Variants in GASK1B observed in about 807,000 individuals in gnomAD.
The protein encoded by GASK1B is Golgi-associated kinase 1B.
In GASK1B, 34 loss-of-function variants were observed where a neutral mutation model predicts 42.8. That is an observed-to-expected ratio of 0.79 (90% CI 0.60 to 1.06). GASK1B has a LOEUF of 1.06. Ranked by LOEUF, GASK1B falls within the 50% of genes least tolerant of loss-of-function variation. The pLI, the probability that GASK1B is intolerant of heterozygous loss-of-function variation, is 0.00. For synonymous variants in GASK1B, 262 were observed against 259.1 expected (o/e 1.01, Z -0.11); for missense variants, 686 against 661.0 (o/e 1.04, Z -0.42).
At chr4:158,155,508 A>T (rs1464265208) in intron 3 of GASK1B, 103 bp downstream of exon 3, 4 of 1,011,246 alleles carry the variant, frequency 4.0e-6, no homozygotes, top group Non-Finnish European at 5.8e-6. Flanking sequence ...AGAAGTTATC[A>T]CCAGCTTCAT....
At chr4:158,160,430 G>T (rs1182943601) in intron 2 of GASK1B, among the ~76,000 whole-genome samples, 3 of 152,064 alleles carry the variant, frequency 2.0e-5, no homozygotes, top group Admixed American at 2.0e-4. Flanking sequence ...GAAGGGCTAT[G>T]ATCAAAAAGA....
At chr4:158,147,803 A>C (rs191963627) in intron 3 of GASK1B, among the ~76,000 whole-genome samples, 10 of 152,292 alleles carry the variant, frequency 6.6e-5, no homozygotes, top group Middle Eastern at 3.4e-3. Context: ...GACAAACGTT[A>C]ATTTTCTTGA....
intron 3 of GASK1B, among the ~76,000 whole-genome samples, chr4:158,137,718 C>A (rs1201048528): frequency 6.6e-6 from 1 of 150,846 alleles, no homozygotes; most frequent in African/African-American, 2.4e-5. Context: ...CCACAGTATT[C>A]CCCCCTGCTC....
chr4:158,169,850 T>C (rs1732389235), intron 2 of GASK1B: 1 of 184,342 alleles, frequency 5.4e-6, no homozygotes, highest in Non-Finnish European at 1.1e-5. Context: ...ACTCAATAGA[T>C]CATAGTCAGG....
intron 3 of GASK1B, among the ~76,000 whole-genome samples, chr4:158,138,127 C>T (rs759857133): frequency 1.3e-5 from 2 of 152,136 alleles, no homozygotes; most frequent in Non-Finnish European, 2.9e-5. Context: ...ACATTTGGAT[C>T]GATTTCTATA....
In GASK1B at chr4:158,127,434, C is replaced by A. The variant is rs896365408; in HGVS notation, c.1533G>T (p.Gly511=). The change falls in exon 5 of 5, where the codon GGG becomes GGT. Residue 511 remains glycine (G), a synonymous_variant. Transcript: ENST00000585682. The part of the protein sequence containing the change: ...KILITYINAH[G]VKVLPMNE ...ATTCATTCATAGGTAATACTTTGAC[C>A]CCGTGTGCATTGATATAGGTGATAA... 2.5e-6 allele frequency: 4 copies of A among 1,613,394 alleles called. No homozygotes were observed. Among genetic ancestry groups the A allele is most frequent in the Non-Finnish European group, 2.5e-6 (3 of 1,179,574 alleles).
chr4:158,155,556 TA>T, intron 3 of GASK1B, 54 bp downstream of exon 3: 1 of 1,424,856 alleles, frequency 7.0e-7, no homozygotes, highest in Non-Finnish European at 9.8e-7. Flanking sequence ...AGTGTCAGGC[TA>T]ATATAACTCA....
At chr4:158,168,687 C>T (rs78609803) in intron 2 of GASK1B, 2 of 152,280 alleles carry the variant, frequency 1.3e-5, no homozygotes, top group Non-Finnish European at 2.9e-5. Context: ...AACTCCACGG[C>T]CCAGGCTCTT....
At chr4:158,165,728 A>C (rs1732204346) in intron 2 of GASK1B, among the ~76,000 whole-genome samples, 1 of 152,190 alleles carries the variant, frequency 6.6e-6, no homozygotes, top group African/African-American at 2.4e-5. Context: ...GGGTTAACAG[A>C]AGCAACGTGA....
chr4:158,131,348 C>T (rs1205382523), intron 3 of GASK1B, among the ~76,000 whole-genome samples: 4 of 152,210 alleles, frequency 2.6e-5, no homozygotes, highest in Non-Finnish European at 5.9e-5. Flanking sequence ...AGAAGAAACA[C>T]CATTGTACTT....
chr4:158,128,412 C>T (rs1485829632), intron 4 of GASK1B, among the ~76,000 whole-genome samples: 1 of 152,138 alleles, frequency 6.6e-6, no homozygotes, highest in Non-Finnish European at 1.5e-5. Context: ...CCAGCATATA[C>T]ATTATCTGAA....
chr4:158,141,310 A>G (rs1409858838), intron 3 of GASK1B, among the ~76,000 whole-genome samples: 1 of 151,880 alleles, frequency 6.6e-6, no homozygotes, highest in Non-Finnish European at 1.5e-5. Flanking sequence ...ACCCATGTTC[A>G]TTACAGAGGC....
At chr4:158,170,155 G>A in intron 2 of GASK1B, 1 of 1,412,448 alleles carries the variant, frequency 7.1e-7, no homozygotes, top group Non-Finnish European at 9.7e-7. Context: ...TCCTCATCAT[G>A]CAAATTGCCG....
At chr4:158,163,267 A>G (rs1419894374) in intron 2 of GASK1B, among the ~76,000 whole-genome samples, 1 of 152,212 alleles carries the variant, frequency 6.6e-6, no homozygotes, top group Non-Finnish European at 1.5e-5. Flanking sequence ...ATGGTATGAA[A>G]AAGGTAGCAC....
chr4:158,141,102 A>C (rs1731095808), intron 3 of GASK1B, among the ~76,000 whole-genome samples: 1 of 152,132 alleles, frequency 6.6e-6, no homozygotes. Context: ...CATGTTATGC[A>C]GATGAGGCTT....
chr4:158,127,216 G>A lies in GASK1B; in HGVS notation c.*191C>T. Reference sequence around the variant, plus strand: ...TAAACAAATATTTCTCAAGTAGTTTGTTTTTCAAAACCTTTTTAAGTATGC... The same window carrying A: ...TAAACAAATATTTCTCAAGTAGTTTATTTTTCAAAACCTTTTTAAGTATGC... On this transcript the variant is annotated 3_prime_UTR_variant, in exon 5 of 5. Coordinates refer to ENST00000585682, the MANE Select transcript of GASK1B (RefSeq NM_001128424.2). The A allele has an allele frequency of 2.3e-6, 1 of 434,582 alleles. No individual in the cohort carries two copies. Among genetic ancestry groups the A allele is most frequent in the East Asian group, 3.5e-5 (1 of 28,248 alleles). 26.9% of individuals were successfully genotyped at this position (434,582 alleles called of 1,614,324 possible). A position where few individuals can be genotyped will look rare whatever the true frequency, so the allele number is the denominator to read the frequency against.
intron 2 of GASK1B, chr4:158,169,759 T>C (rs1419701205): frequency 1.2e-5 from 2 of 160,336 alleles, no homozygotes; most frequent in African/African-American, 4.8e-5. Context: ...GTCCTTTTGC[T>C]GGCAACTGCA....
intron 2 of GASK1B, 156 bp downstream of exon 2, chr4:158,170,310 G>C (rs755256963): frequency 6.2e-7 from 1 of 1,614,238 alleles, no homozygotes. Flanking sequence ...GGAAAATAAA[G>C]AATGCCAAGC....
At chr4:158,148,015 C>T (rs1008225312) in intron 3 of GASK1B, among the ~76,000 whole-genome samples, 15 of 151,970 alleles carry the variant, frequency 9.9e-5, no homozygotes, top group African/African-American at 3.6e-4. Flanking sequence ...AGTTTGAAAC[C>T]AGACTGGGCA....
Sources: allele counts gnomAD v4.1 joint callset (sites outside exome capture counted in the v4.1 genomes callset), GRCh38; gene constraint gnomAD v4.1.1; transcripts MANE v1.5; gene names NCBI Gene and HGNC (gene_info 2026-07-23, HGNC 2026-07-21).